DCUN1D1: variants seen among roughly 807,000 people sequenced by gnomAD.
DCUN1D1 encodes the protein DCN1-like protein 1.
Under a neutral mutation model 39.0 loss-of-function variants are expected in DCUN1D1, and 3 were observed. That is an observed-to-expected ratio of 0.08 (90% CI 0.04 to 0.20). The LOEUF (loss-of-function observed/expected upper bound fraction) is 0.20, where lower values mean the gene tolerates loss of function less well. Ranked by LOEUF, DCUN1D1 falls within the 10% of genes least tolerant of loss-of-function variation. DCUN1D1 has a pLI of 1.00. For missense variants in DCUN1D1, 158 were observed against 302.4 expected (o/e 0.52, Z 3.54); for synonymous variants, 82 against 96.3 (o/e 0.85, Z 0.87).
In DCUN1D1 at chr3:182,942,591, T is replaced by C. The variant is rs1183974447; in HGVS notation, c.*2503A>G. On this transcript the variant is annotated 3_prime_UTR_variant, in exon 7 of 7. Coordinates refer to ENST00000292782, the MANE Select transcript of DCUN1D1 (RefSeq NM_020640.4). ...TTTTGACATTTGGCAAAAAGGAAAC[T>C]GTACCTATGGTTCAGTTTAAAACAA... 1.3e-5 allele frequency: 2 copies of C among 151,686 alleles called. No homozygotes were observed. Among genetic ancestry groups the C allele is most frequent in the Non-Finnish European group, 2.9e-5 (2 of 67,882 alleles). 9.4% of individuals were successfully genotyped at this position (151,686 alleles called of 1,614,324 possible). A position where few individuals can be genotyped will look rare whatever the true frequency, so the allele number is the denominator to read the frequency against.
chr3:182,950,464 T>TAAAAATCTTTC (rs1423289405), intron 4 of DCUN1D1, among the ~76,000 whole-genome samples: 2 of 152,052 alleles, frequency 1.3e-5, no homozygotes, highest in Non-Finnish European at 2.9e-5. Flanking sequence ...ACTTATCTTT[T>TAAAAATCTTTC]AAAAATCTTT....
rs762638678 is a variant in DCUN1D1 at position 182,980,463 on chromosome 3, G to A, written c.3+24C>T. On this transcript the variant is annotated intron_variant, in intron 1 of 6. Transcript: ENST00000292782. ...AGCGCCGGCCCCCAGCCGGCAGGGCGGGCGGGCGGCCGCAGTGCCTCACCA... is the reference window on the plus strand; with the variant it reads ...AGCGCCGGCCCCCAGCCGGCAGGGCAGGCGGGCGGCCGCAGTGCCTCACCA... 6.9e-6 allele frequency: 8 copies of A among 1,163,004 alleles called. No homozygotes were observed. In the South Asian group the frequency reaches 7.4e-5, roughly 11 times the overall value. 72.0% of individuals were successfully genotyped at this position (1,163,004 alleles called of 1,614,324 possible). A position where few individuals can be genotyped will look rare whatever the true frequency, so the allele number is the denominator to read the frequency against.
At chr3:182,974,026 C>T (rs1320111628) in intron 1 of DCUN1D1, among the ~76,000 whole-genome samples, 4 of 151,982 alleles carry the variant, frequency 2.6e-5, no homozygotes, top group East Asian at 1.9e-4. Context: ...CTGAGAGGGG[C>T]GGATCACTTG....
chr3:182,967,349 A>C (rs1272577346), intron 1 of DCUN1D1, among the ~76,000 whole-genome samples: 5 of 152,056 alleles, frequency 3.3e-5, no homozygotes, highest in African/African-American at 1.2e-4. Context: ...AGGTCTCATG[A>C]ATCTGAGTAA....
At chr3:182,964,639 T>C (rs977897851) in intron 2 of DCUN1D1, among the ~76,000 whole-genome samples, 6 of 140,828 alleles carry the variant, frequency 4.3e-5, no homozygotes, top group Admixed American at 7.0e-5. Flanking sequence ...ACCTTTCTTT[T>C]TTTTTTTTTT....
intron 1 of DCUN1D1, among the ~76,000 whole-genome samples, chr3:182,966,246 C>A (rs140966981): frequency 1.7e-4 from 26 of 152,192 alleles, no homozygotes; most frequent in Admixed American, 4.6e-4. Context: ...AAGGATATGG[C>A]GTGGGAAGAG....
intron 1 of DCUN1D1, among the ~76,000 whole-genome samples, chr3:182,978,941 C>T (rs1453947423): frequency 1.3e-5 from 2 of 152,154 alleles, no homozygotes; most frequent in South Asian, 2.1e-4. Context: ...GGGGATGATG[C>T]GGATCTGGAG....
intron 4 of DCUN1D1, chr3:182,956,329 T>G: frequency 4.0e-6 from 1 of 250,390 alleles, no homozygotes; most frequent in Middle Eastern, 4.8e-4. Flanking sequence ...CAATCACCCC[T>G]CACTGGGAGC....
chr3:182,961,922 A>C (rs566369413), intron 3 of DCUN1D1, among the ~76,000 whole-genome samples: 4 of 152,230 alleles, frequency 2.6e-5, no homozygotes, highest in Non-Finnish European at 2.9e-5. Flanking sequence ...ACTTTCGAAG[A>C]GTTTGAAAAG....
intron 2 of DCUN1D1, 28 bp from the exon 3 acceptor site, chr3:182,964,077 G>T: frequency 3.2e-6 from 5 of 1,574,586 alleles, no homozygotes; most frequent in Non-Finnish European, 4.3e-6. Flanking sequence ...CAATATTAAA[G>T]TAGTGTCATA....
rs185754799 is a variant in DCUN1D1 at position 182,941,608 on chromosome 3, T to C, written c.*3486A>G. 2.6e-5 allele frequency: 4 copies of C among 152,262 alleles called. No homozygotes were observed. The highest frequency in any genetic ancestry group is 6.5e-5 in the Admixed American group (1 of 15,282). 9.4% of individuals were successfully genotyped at this position (152,262 alleles called of 1,614,324 possible). A position where few individuals can be genotyped will look rare whatever the true frequency, so the allele number is the denominator to read the frequency against. On this transcript the variant is annotated 3_prime_UTR_variant, in exon 7 of 7. Transcript: ENST00000292782. ...CATTATCAAATTTGATAAAATCTTA[T>C]GAAAACATCTAAGTATTCAATATAA...
intron 2 of DCUN1D1, 97 bp downstream of exon 2, chr3:182,965,440 C>G (rs557568972): frequency 1.4e-6 from 1 of 709,560 alleles, no homozygotes; most frequent in East Asian, 2.7e-5. Context: ...GACACATCCA[C>G]CCAATTTAAG....
intron 1 of DCUN1D1, among the ~76,000 whole-genome samples, chr3:182,966,801 G>A (rs2108381024): frequency 6.6e-6 from 1 of 152,260 alleles, no homozygotes; most frequent in East Asian, 1.9e-4. Flanking sequence ...AGGTACTCAT[G>A]AATAGACACA....
At chr3:182,985,669 C>A (rs979382366) in intron 1 of DCUN1D1, 1 of 152,100 alleles carries the variant, frequency 6.6e-6, no homozygotes, top group Non-Finnish European at 1.5e-5. Flanking sequence ...TAAATAAGAA[C>A]CATTATAAAA....
intron 3 of DCUN1D1, among the ~76,000 whole-genome samples, chr3:182,962,867 G>A (rs1471335470): frequency 1.3e-5 from 2 of 152,048 alleles, no homozygotes; most frequent in African/African-American, 2.4e-5. Context: ...CACAACCTCC[G>A]CCTCCCGGGT....
At chr3:182,958,242 C>A (rs1163912356) in intron 4 of DCUN1D1, among the ~76,000 whole-genome samples, 1 of 151,588 alleles carries the variant, frequency 6.6e-6, no homozygotes, top group Non-Finnish European at 1.5e-5. Context: ...AAAAAAAAAA[C>A]TATGATTTGT....
At chr3:182,980,541 A>ACGGCGGCGG (rs750985794), upstream of DCUN1D1, 7 of 1,219,282 alleles carry the variant, frequency 5.7e-6, no homozygotes, top group African/African-American at 3.2e-5. Flanking sequence ...CAGCGAATGG[A>ACGGCGGCGG]CGGCGGCGGC....
At chr3:182,961,963 G>C (rs1045171294) in intron 3 of DCUN1D1, among the ~76,000 whole-genome samples, 4 of 152,140 alleles carry the variant, frequency 2.6e-5, no homozygotes, top group African/African-American at 9.7e-5. Flanking sequence ...TTTCCTCATA[G>C]AGCCTTATGG....
intron 1 of DCUN1D1, among the ~76,000 whole-genome samples, chr3:182,968,954 T>C (rs1222396993): frequency 6.6e-6 from 1 of 152,152 alleles, no homozygotes; most frequent in Non-Finnish European, 1.5e-5. Flanking sequence ...TAGGGCAATA[T>C]CAACATATTT....
Sources: gnomAD v4.1 joint callset for allele counts (sites outside exome capture counted in the v4.1 genomes callset) on GRCh38, gnomAD v4.1.1 for gene constraint, MANE v1.5 for transcripts, NCBI Gene and HGNC (gene_info 2026-07-23, HGNC 2026-07-21) for gene names.